Variants in MAP3K21 observed in about 807,000 individuals in gnomAD.
The protein encoded by MAP3K21 is mitogen-activated protein kinase kinase kinase MLK4.
In MAP3K21, 63 loss-of-function variants were observed where a neutral mutation model predicts 86.1. The ratio of observed to expected loss-of-function variants is 0.73; its 90% CI spans 0.60 to 0.90. The LOEUF is 0.90. MAP3K21 is among the 40% of genes least tolerant of loss of function. The probability of loss-of-function intolerance (pLI) is 0.00; values close to 1 mark genes in which losing one functional copy is unlikely to be tolerated. For missense variants in MAP3K21, 1,220 were observed against 1,367.7 expected, an observed-to-expected ratio of 0.89 and a Z score of 1.70; for synonymous variants, 558 against 564.8, an observed-to-expected ratio of 0.99 and a Z score of 0.17.
Position 233,372,066 on chromosome 1 carries a change from C to T in MAP3K21, c.1581C>T (p.Ala527=). 1 of 1,614,076 alleles carries T rather than the reference C, an allele frequency of 6.2e-7. No individual in the cohort carries two copies. The highest frequency in any genetic ancestry group is 8.5e-7 in the Non-Finnish European group (1 of 1,179,968). ...SDFQHKITVQ[A]SPNLDKRRSL... is the part of the protein sequence containing the mutation. ...TCCAGCACAAGATAACCGTGCAGGC[C>T]TCTCCCAACTTGGACAAACGGCGGA... Residue 527 remains alanine, a synonymous_variant, in exon 6 of 10, where the codon GCC becomes GCT. Coordinates refer to ENST00000366624, the MANE Select transcript of MAP3K21 (RefSeq NM_032435.3).
chr1:233,328,509 G>A lies in MAP3K21; in HGVS notation c.481G>A (p.Ala161Thr), dbSNP rs1217068051. 6.6e-7 allele frequency: 1 copy of A among 1,524,316 alleles called. No individual in the cohort carries two copies. Among genetic ancestry groups the A allele is most frequent in the Non-Finnish European group, 8.7e-7 (1 of 1,146,226 alleles). 94.4% of individuals were successfully genotyped at this position (1,524,316 alleles called of 1,614,324 possible). Residue 161 changes from alanine (A) to threonine (T), a missense_variant, in exon 1 of 10, where the codon GCG (alanine) becomes ACG (threonine). Transcript: ENST00000366624. This position sits in a 1 kb window ranked among gnomAD's most constrained non-coding sequence, Gnocchi z 8.7. Reference protein sequence around the residue: ...KAARQDPEQDAAAAAESVRRE... With the variant: ...KAARQDPEQDTAAAAESVRRE... Reference sequence around the variant, plus strand: ...GGCGCGCCAGGACCCGGAGCAGGACGCGGCGGCGGCTGCCGAGAGCGTGCG... The same window carrying A: ...GGCGCGCCAGGACCCGGAGCAGGACACGGCGGCGGCTGCCGAGAGCGTGCG...
At chr1:233,360,355 G>C (rs1285655865) in intron 4 of MAP3K21, among the ~76,000 whole-genome samples, 4 of 151,722 alleles carry the variant, frequency 2.6e-5, no homozygotes, top group Admixed American at 2.6e-4. Flanking sequence ...ATTTATATCT[G>C]ACACGGTGTA....
chr1:233,374,337 G>A (rs10910141), intron 6 of MAP3K21, among the ~76,000 whole-genome samples: 28,711 of 151,682 alleles, frequency 0.19, 2,843 homozygotes, highest in South Asian at 0.3. Flanking sequence ...CACCACGCCC[G>A]GCTAATTTTT....
intron 1 of MAP3K21, among the ~76,000 whole-genome samples, chr1:233,343,829 G>A (rs1006608650): frequency 3.0e-4 from 46 of 152,162 alleles, no homozygotes; most frequent in African/African-American, 1.1e-3. Context: ...TCACCTGACA[G>A]GTAGAATATA....
chr1:233,374,717 A>G (rs1663754812), intron 6 of MAP3K21, among the ~76,000 whole-genome samples: 1 of 144,178 alleles, frequency 6.9e-6, no homozygotes, highest in South Asian at 2.3e-4. Flanking sequence ...GTGTGTATAT[A>G]CAGGCATCTA....
rs781078232 is a variant in MAP3K21 at position 233,354,890 on chromosome 1, A to G, written c.1190A>G (p.Gln397Arg). 1 of 1,614,088 alleles carries G rather than the reference A, an allele frequency of 6.2e-7. No homozygotes were observed. Among genetic ancestry groups the G allele is most frequent in the South Asian group, 1.1e-5 (1 of 91,070 alleles). The change falls in exon 4 of 10, where the codon CAG (glutamine) becomes CGG (arginine). Residue 397 changes from glutamine to arginine, a missense_variant. This residue lies in a region of MAP3K21 where 126 missense variants were observed against 127.7 expected (regional missense o/e 0.99). Coordinates refer to ENST00000366624, the MANE Select transcript of MAP3K21 (RefSeq NM_032435.3). ...CCATCGTTTGCCTTAATTCTCGAAC[A>G]GTTGACTGCTATTGAAGGGGCAGTG... ...IRPSFALILE[Q>R]LTAIEGAVMT...
At chr1:233,333,105 G>A (rs1047877643) in intron 1 of MAP3K21, among the ~76,000 whole-genome samples, 1 of 152,090 alleles carries the variant, frequency 6.6e-6, no homozygotes, top group Non-Finnish European at 1.5e-5. Flanking sequence ...TTAGTACTGT[G>A]TAAATAAAAG....
chr1:233,353,099 A>T (rs1553338473), intron 2 of MAP3K21, among the ~76,000 whole-genome samples: 2 of 152,042 alleles, frequency 1.3e-5, no homozygotes, highest in Non-Finnish European at 2.9e-5. Context: ...TATCTGCATC[A>T]CATGTGATGA....
At position 233,376,035 on chromosome 1, in the gene MAP3K21, C is replaced by G; in HGVS notation, c.1795C>G (p.Gln599Glu). The change falls in exon 7 of 10, where the codon CAA becomes GAA. Residue 599 changes from glutamine (Q) to glutamate (E), a missense_variant. This residue lies in a region of MAP3K21 where 632 missense variants were observed against 691.3 expected (regional missense o/e 0.91). Transcript: ENST00000366624. ...TTGTACCTGGGGACCAAATTCCATT[C>G]AAATGAAAGATAGAACAGATTGCAA... Reference protein sequence around the residue: ...KGCTWGPNSIQMKDRTDCKER... With the variant: ...KGCTWGPNSIEMKDRTDCKER... The G allele has an allele frequency of 6.2e-7, 1 of 1,608,518 alleles. No homozygotes were observed. Among genetic ancestry groups the G allele is most frequent in the Non-Finnish European group, 8.5e-7 (1 of 1,178,514 alleles).
chr1:233,341,422 C>G (rs1353171414), intron 1 of MAP3K21, among the ~76,000 whole-genome samples: 2 of 152,110 alleles, frequency 1.3e-5, no homozygotes, highest in Non-Finnish European at 2.9e-5. Context: ...GAGATGGAAT[C>G]CAAAACAATG....
rs1008333280 is a variant in MAP3K21, at chr1:233,327,916, C to A, written c.-113C>A. The A allele has an allele frequency of 4.3e-5, 35 of 811,064 alleles. No homozygotes were observed. The highest frequency in any genetic ancestry group is 5.6e-5 in the Non-Finnish European group (34 of 608,572). The allele number at this position is 811,064 out of a possible 1,614,324, so 50.2% of individuals were successfully genotyped here. ...CTGCCGTCACCGATCGCGATTCCTA[C>A]CCCCTCGCCTTCCCCCGGCGCCGAC... is the stretch of plus-strand genomic sequence containing the variant. On this transcript the variant is annotated 5_prime_UTR_variant, in exon 1 of 10. Transcript: ENST00000366624.
At position 233,369,828 on chromosome 1, in the gene MAP3K21, T is replaced by A. The variant is rs947614236; in HGVS notation, c.1553-2210T>A. Among the ~76,000 whole-genome samples the A allele has an allele frequency of 5.4e-5, 8 of 147,534 alleles. No individual in the cohort carries two copies. The East Asian group carries it at 1.6e-3, about 30-fold the overall frequency. The stretch of plus-strand genomic sequence containing the variant: ...TCACAGAGCCTAAAATGGGGCATTT[T>A]GCAGAAGAAGTGAGCTGACCCCTCT... On this transcript the variant is annotated intron_variant, in intron 5 of 9. Transcript: ENST00000366624.
chr1:233,348,298 T>C (rs1487476947), intron 2 of MAP3K21, among the ~76,000 whole-genome samples: 2 of 152,250 alleles, frequency 1.3e-5, no homozygotes, highest in African/African-American at 2.4e-5. Flanking sequence ...GGTTCATCTA[T>C]GTCAGAGCAT....
chr1:233,330,151 A>G (rs1662784194), intron 1 of MAP3K21, among the ~76,000 whole-genome samples: 1 of 152,226 alleles, frequency 6.6e-6, no homozygotes, highest in Admixed American at 6.5e-5. Flanking sequence ...GAAAATTACT[A>G]ATGTAGCATT....
intron 1 of MAP3K21, among the ~76,000 whole-genome samples, chr1:233,344,344 C>G: frequency 6.6e-6 from 1 of 152,140 alleles, no homozygotes; most frequent in East Asian, 1.9e-4. Context: ...TACAAGCCTA[C>G]AGTAACCAAA....
At position 233,354,977 on chromosome 1, in the gene MAP3K21, A is replaced by G; in HGVS notation, c.1277A>G (p.Gln426Arg). ...CAAGATGACTGGAAACTAGAAATTCAACAAATGTTTGATGAGTTGAGAACA... is the reference window on the plus strand; with the variant it reads ...CAAGATGACTGGAAACTAGAAATTCGACAAATGTTTGATGAGTTGAGAACA... Reference protein sequence around the residue: ...SMQDDWKLEIQQMFDELRTKE... With the variant: ...SMQDDWKLEIRQMFDELRTKE... Residue 426 changes from glutamine to arginine, a missense_variant, in exon 4 of 10, where the codon CAA (glutamine) becomes CGA (arginine). Physicochemically the swap from Gln to Arg is conservative, Grantham distance 43. Coordinates refer to ENST00000366624, the MANE Select transcript of MAP3K21 (RefSeq NM_032435.3). 6.2e-7 allele frequency: 1 copy of G among 1,614,082 alleles called. No individual in the cohort carries two copies.
intron 4 of MAP3K21, among the ~76,000 whole-genome samples, chr1:233,355,471 A>G (rs1327255037): frequency 6.6e-6 from 1 of 152,156 alleles, no homozygotes; most frequent in African/African-American, 2.4e-5. Context: ...GTGTTATGCC[A>G]TTTTTCTTAC....
At chr1:233,340,377 G>A (rs1323791771) in intron 1 of MAP3K21, among the ~76,000 whole-genome samples, 1 of 152,184 alleles carries the variant, frequency 6.6e-6, no homozygotes, top group Non-Finnish European at 1.5e-5. Flanking sequence ...CTGTAAGGAG[G>A]CACAGGGCAG....
At chr1:233,344,698 A>G (rs896936623) in intron 1 of MAP3K21, among the ~76,000 whole-genome samples, 2 of 152,214 alleles carry the variant, frequency 1.3e-5, no homozygotes, top group African/African-American at 4.8e-5. Flanking sequence ...AAAACACCAA[A>G]AGCAATGGCA....
Sources: allele counts gnomAD v4.1 joint callset (sites outside exome capture counted in the v4.1 genomes callset), GRCh38; gene constraint gnomAD v4.1.1; regional missense constraint gnomAD v4.1.1; non-coding constraint Gnocchi (gnomAD v3.1); transcripts MANE v1.5; gene names NCBI Gene and HGNC (gene_info 2026-07-23, HGNC 2026-07-21).